The following FOXP4 variants were observed in gnomAD, a reference collection of about 807,000 sequenced individuals.
FOXP4 encodes forkhead box P4.
Under a neutral mutation model 82.6 loss-of-function variants are expected in FOXP4, and 25 were observed. The observed-to-expected ratio is 0.30, with a 90% confidence interval of 0.22 to 0.42. The LOEUF (loss-of-function observed/expected upper bound fraction) is 0.42, where lower values mean the gene tolerates loss of function less well. Among genes scored for constraint, FOXP4 ranks in the 10% least tolerant of loss-of-function variants. The pLI, the probability that FOXP4 is intolerant of heterozygous loss-of-function variation, is 1.00. For missense variants in FOXP4, 785 were observed against 900.9 expected (o/e 0.87, Z 1.65); for synonymous variants, 415 against 388.2 (o/e 1.07, Z -0.81).
At chr6:41,582,337 G>C (rs1310740192) in intron 3 of FOXP4, among the ~76,000 whole-genome samples, 1 of 152,180 alleles carries the variant, frequency 6.6e-6, no homozygotes, top group Non-Finnish European at 1.5e-5. Context: ...ACGTGTAAAG[G>C]GCTTAGCCAA....
Position 41,584,752 on chromosome 6 carries a change from CG to C in FOXP4, c.301-14del. The C allele has an allele frequency of 1.3e-6, 2 of 1,569,558 alleles. No homozygotes were observed. Among genetic ancestry groups the C allele is most frequent in the Non-Finnish European group, 1.7e-6 (2 of 1,156,954 alleles). On this transcript the variant is annotated splice_polypyrimidine_tract_variant and intron_variant, in intron 3 of 16. Coordinates refer to ENST00000307972, the MANE Select transcript of FOXP4 (RefSeq NM_001012426.2). ...GTTGGGGTCCAGGGGACAGGGCTAA[CG>C]GGCCGAATCCTGCAGGTGCCTGTGT...
chr6:41,597,948 C>A lies in FOXP4; in HGVS notation c.1893C>A (p.Tyr631Ter). Reference sequence around the variant, plus strand: ...CTCCTCGCCTCTCCCCGCCCCAGTACAGGTGAGCACACAGCACGGACCCCC... The same window carrying A: ...CTCCTCGCCTCTCCCCGCCCCAGTAAAGGTGAGCACACAGCACGGACCCCC... ...SSPPRLSPPQ[Y>*]SHQVQVKEEP... Residue 631 changes from tyrosine (Y) to a stop codon, truncating the protein, a stop_gained and splice_region_variant, in exon 16 of 17, where the codon TAC becomes TAA. Transcript: ENST00000307972. LOFTEE classifies it high-confidence loss of function. The A allele has an allele frequency of 6.5e-7, 1 of 1,529,860 alleles. No individual in the cohort carries two copies. Among genetic ancestry groups the A allele is most frequent in the Non-Finnish European group, 8.7e-7 (1 of 1,143,406 alleles). The allele number at this position is 1,529,860 out of a possible 1,614,324, so 94.8% of individuals were successfully genotyped here.
In FOXP4 at chr6:41,589,911, C is replaced by T. The variant is rs1489159406; in HGVS notation, c.1150-52C>T. 3.3e-5 allele frequency: 53 copies of T among 1,610,448 alleles called. No individual in the cohort carries two copies. The East Asian group carries it at 5.1e-4, about 16-fold the overall frequency. ...GAGCCTTCCACAGACCCTGGAGCCT[C>T]GGGACCCCCACCCTCGGGCACTGGT... On this transcript the variant is annotated intron_variant, in intron 10 of 16. Coordinates refer to ENST00000307972, the MANE Select transcript of FOXP4 (RefSeq NM_001012426.2).
chr6:41,580,433 A>G (rs1014880776), intron 3 of FOXP4, among the ~76,000 whole-genome samples: 1 of 152,176 alleles, frequency 6.6e-6, no homozygotes, highest in Non-Finnish European at 1.5e-5. Context: ...TTGGCACAAT[A>G]TTGGTAATAA....
intron 12 of FOXP4, among the ~76,000 whole-genome samples, chr6:41,590,616 G>T (rs562135068): frequency 6.6e-6 from 1 of 152,054 alleles, no homozygotes; most frequent in Non-Finnish European, 1.5e-5. Flanking sequence ...TCATTTCCAC[G>T]TACACAGCCC....
chr6:41,549,746 A>T (rs9394807), intron 1 of FOXP4, among the ~76,000 whole-genome samples: 1 of 139,382 alleles, frequency 7.2e-6, no homozygotes, highest in African/African-American at 2.8e-5. Flanking sequence ...GGGAGGGTGG[A>T]GGGGAGAAGA....
In FOXP4 at chr6:41,556,460, AC is replaced by A. The variant is rs1306769236; in HGVS notation, c.-16-9284del. 5.9e-5 allele frequency among the ~76,000 whole-genome samples: 9 copies of A among 151,384 alleles called. No individual in the cohort carries two copies. The East Asian group carries it at 9.8e-4, about 16-fold the overall frequency. On this transcript the variant is annotated intron_variant, in intron 1 of 16. Coordinates refer to ENST00000307972, the MANE Select transcript of FOXP4 (RefSeq NM_001012426.2). Reference sequence around the variant, plus strand: ...TGCCTCAGTCTCCTGAGTAGCTGGGACTTACAGGCGCCCGCCAACACGCCCA... The same window carrying A: ...TGCCTCAGTCTCCTGAGTAGCTGGGATTACAGGCGCCCGCCAACACGCCCA...
Position 41,587,839 on chromosome 6 carries a change from G to A in FOXP4, c.919G>A (p.Gly307Arg). The A allele has an allele frequency of 6.4e-7, 1 of 1,572,738 alleles. No homozygotes were observed. The highest frequency in any genetic ancestry group is 8.6e-7 in the Non-Finnish European group (1 of 1,157,432). Residue 307 changes from glycine to arginine, a missense_variant, in exon 8 of 17, where the codon GGA becomes AGA. Physicochemically the swap from Gly to Arg is moderately radical, Grantham distance 125. Transcript: ENST00000307972. Reference sequence around the variant, plus strand: ...CGGCTCCCACCCCCTGTACGGACACGGAGAGTGCAAGTGGCCAGGCTGTGA... The same window carrying A: ...CGGCTCCCACCCCCTGTACGGACACAGAGAGTGCAAGTGGCCAGGCTGTGA... ...TPGSHPLYGH[G>R]ECKWPGCETL...
chr6:41,584,760 A>G lies in FOXP4; in HGVS notation c.301-9A>G. Reference sequence around the variant, plus strand: ...CCAGGGGACAGGGCTAACGGGCCGAATCCTGCAGGTGCCTGTGTCGGTGGC... The same window carrying G: ...CCAGGGGACAGGGCTAACGGGCCGAGTCCTGCAGGTGCCTGTGTCGGTGGC... On this transcript the variant is annotated splice_polypyrimidine_tract_variant and intron_variant, in intron 3 of 16. Coordinates refer to ENST00000307972, the MANE Select transcript of FOXP4 (RefSeq NM_001012426.2). The G allele has an allele frequency of 6.3e-7, 1 of 1,579,828 alleles. No homozygotes were observed. Among genetic ancestry groups the G allele is most frequent in the East Asian group, 2.3e-5 (1 of 43,248 alleles).
At chr6:41,566,006 G>C (rs1402003092) in intron 2 of FOXP4, 42 bp downstream of exon 2, 1 of 1,577,826 alleles carries the variant, frequency 6.3e-7, no homozygotes. Flanking sequence ...AGCGGGAGAG[G>C]GGCACTAGGC....
At chr6:41,585,803 G>A (rs977848141) in intron 5 of FOXP4, among the ~76,000 whole-genome samples, 20 of 151,954 alleles carry the variant, frequency 1.3e-4, no homozygotes, top group Admixed American at 3.9e-4. Context: ...GGTGTCTGCC[G>A]GGCCACGCTC....
chr6:41,595,744 A>G (rs1766795106), intron 14 of FOXP4, among the ~76,000 whole-genome samples: 2 of 152,122 alleles, frequency 1.3e-5, no homozygotes, highest in Admixed American at 1.3e-4. Context: ...CTAGAATTAC[A>G]GGTGCCCACG....
rs529075491 is a variant in FOXP4, at chr6:41,560,848, G to C, written c.-16-4897G>C. Among the ~76,000 whole-genome samples the C allele has an allele frequency of 4.6e-5, 7 of 152,354 alleles. No individual in the cohort carries two copies. The South Asian group carries it at 1.4e-3, about 32-fold the overall frequency. On this transcript the variant is annotated intron_variant, in intron 1 of 16. Transcript: ENST00000307972. ...AGCGACGGTAATTAATACTCGCTAC[G>C]CCATATGGGCCCGTGAAAAGGCACA...
chr6:41,587,640 TCCCTCTCCC>T, intron 7 of FOXP4, 128 bp downstream of exon 7: 2 of 890,252 alleles, frequency 2.2e-6, no homozygotes, highest in Non-Finnish European at 3.4e-6. Flanking sequence ...CCCTCTCCAC[TCCCTCTCCC>T]GGGGTGTACA....
intron 2 of FOXP4, among the ~76,000 whole-genome samples, chr6:41,570,672 C>T (rs964313893): frequency 9.9e-5 from 15 of 152,162 alleles, no homozygotes; most frequent in Admixed American, 5.2e-4. Flanking sequence ...TCTGAAATCC[C>T]TCTTCTTCCC....
chr6:41,572,987 A>G (rs990471852), intron 2 of FOXP4, among the ~76,000 whole-genome samples: 6 of 152,314 alleles, frequency 3.9e-5, no homozygotes, highest in Middle Eastern at 3.4e-3. Flanking sequence ...CTGGGCCATG[A>G]GCAGCAATTT....
intron 2 of FOXP4, among the ~76,000 whole-genome samples, chr6:41,571,810 C>T (rs1382347844): frequency 6.6e-6 from 1 of 152,062 alleles, no homozygotes; most frequent in Non-Finnish European, 1.5e-5. Flanking sequence ...CCTGGCTGGT[C>T]AAGAACTTTC....
At chr6:41,585,614 A>G in intron 5 of FOXP4, 97 bp downstream of exon 5, 1 of 1,088,626 alleles carries the variant, frequency 9.2e-7, no homozygotes, top group Non-Finnish European at 1.3e-6. Context: ...CAGGAATAGT[A>G]GAAAAATCTA....
At chr6:41,555,942 T>G (rs1218361585) in intron 1 of FOXP4, among the ~76,000 whole-genome samples, 1 of 152,104 alleles carries the variant, frequency 6.6e-6, no homozygotes, top group Admixed American at 6.6e-5. Context: ...TTCTCTTTCT[T>G]TTTTTCCCCC....
Sources: gnomAD v4.1 joint callset for allele counts (sites outside exome capture counted in the v4.1 genomes callset) on GRCh38, gnomAD v4.1.1 for gene constraint, MANE v1.5 for transcripts, NCBI Gene and HGNC (gene_info 2026-07-23, HGNC 2026-07-21) for gene names.